Variants in MCTP1 observed in about 807,000 individuals in gnomAD.
MCTP1 encodes the protein multiple C2 and transmembrane domain-containing protein 1.
Under a neutral mutation model 120.6 loss-of-function variants are expected in MCTP1, and 69 were observed. The observed-to-expected ratio is 0.57, with a 90% CI of 0.47 to 0.70. The LOEUF (loss-of-function observed/expected upper bound fraction) is 0.70, where lower values mean the gene tolerates loss of function less well. Ranked by LOEUF, MCTP1 falls within the 30% of genes least tolerant of loss-of-function variation. The pLI is 0.00. For missense variants in MCTP1, 1,203 were observed against 1,248.8 expected (o/e 0.96, Z 0.55); for synonymous variants, 529 against 493.1 (o/e 1.07, Z -0.96).
chr5:94,999,488 T>C (rs1373768497), intron 2 of MCTP1, among the ~76,000 whole-genome samples: 1 of 152,180 alleles, frequency 6.6e-6, no homozygotes, highest in Non-Finnish European at 1.5e-5. Context: ...GAAAATGGGA[T>C]GTGTATTGAT....
rs533234196 is a variant in MCTP1, at chr5:94,727,068, C to A, written c.2611-12182G>T. On this transcript the variant is annotated intron_variant, in intron 19 of 22. Transcript: ENST00000515393. ...ACAAACTTATACCTTTCTAAAAAGGCACATCTGTTGTAAATTACTCCCTTA... is the reference window on the plus strand; with the variant it reads ...ACAAACTTATACCTTTCTAAAAAGGAACATCTGTTGTAAATTACTCCCTTA... Among the ~76,000 whole-genome samples the A allele has an allele frequency of 2.6e-5, 4 of 152,278 alleles. No individual in the cohort carries two copies. The East Asian group carries it at 7.7e-4, about 29-fold the overall frequency.
intron 16 of MCTP1, among the ~76,000 whole-genome samples, chr5:94,868,760 T>C (rs986601392): frequency 1.3e-5 from 2 of 151,992 alleles, no homozygotes; most frequent in African/African-American, 4.8e-5. Context: ...CTATGCACCT[T>C]TATTAATTTT....
At chr5:94,720,496 T>C (rs1238689221) in intron 19 of MCTP1, among the ~76,000 whole-genome samples, 1 of 152,126 alleles carries the variant, frequency 6.6e-6, no homozygotes, top group African/African-American at 2.4e-5. Context: ...TGATAGATTA[T>C]GAAATCAGAA....
At chr5:95,240,084 C>T (rs1044827203) in intron 1 of MCTP1, among the ~76,000 whole-genome samples, 1 of 151,956 alleles carries the variant, frequency 6.6e-6, no homozygotes, top group Admixed American at 6.6e-5. Context: ...TATTTACATA[C>T]AAATTTCATA....
intron 1 of MCTP1, among the ~76,000 whole-genome samples, chr5:95,159,096 C>T (rs1450007121): frequency 2.6e-5 from 4 of 152,118 alleles, no homozygotes; most frequent in Admixed American, 6.5e-5. Context: ...ATTAAAATGA[C>T]ATCACGTCTA....
rs538558519 is a variant in MCTP1 at position 95,168,742 on chromosome 5, T to G, written c.720+115114A>C. ...AAGAATGCTTGTGATTTTTGCACAT[T>G]GATTTTTATCCCGAGACTTTGCTGA... is the stretch of plus-strand genomic sequence containing the variant. On this transcript the variant is annotated intron_variant, in intron 1 of 22. Transcript: ENST00000515393. Among the ~76,000 whole-genome samples the G allele has an allele frequency of 7.9e-5, 12 of 152,376 alleles. No individual in the cohort carries two copies. The South Asian group carries it at 2.5e-3, about 32-fold the overall frequency.
chr5:94,994,347 G>A (rs1482221830), intron 2 of MCTP1, among the ~76,000 whole-genome samples: 5 of 152,150 alleles, frequency 3.3e-5, no homozygotes, highest in Admixed American at 6.6e-5. Flanking sequence ...TCTGTGGTCT[G>A]TGTTTTGTAT....
intron 1 of MCTP1, among the ~76,000 whole-genome samples, chr5:95,092,756 T>C (rs1755945530): frequency 6.6e-6 from 1 of 151,952 alleles, no homozygotes; most frequent in Admixed American, 6.6e-5. Context: ...TCAAAAATAA[T>C]AAATAAAAAG....
chr5:95,197,929 C>T (rs544434217), intron 1 of MCTP1, among the ~76,000 whole-genome samples: 6 of 152,116 alleles, frequency 3.9e-5, no homozygotes, highest in African/African-American at 7.2e-5. Flanking sequence ...ACACATAATA[C>T]CTAATATAAT....
chr5:95,170,528 T>C lies in MCTP1; in HGVS notation c.720+113328A>G, dbSNP rs1719247844. Among the ~76,000 whole-genome samples the C allele has an allele frequency of 2.0e-5, 3 of 152,200 alleles. No homozygotes were observed. The South Asian group carries it at 6.2e-4, about 31-fold the overall frequency. On this transcript the variant is annotated intron_variant, in intron 1 of 22. Transcript: ENST00000515393. Reference sequence around the variant, plus strand: ...AGTGGGGTGTTAAAGTCTCCCATTATTATTGTGTGGGAGTCTAAGTCTCTT... The same window carrying C: ...AGTGGGGTGTTAAAGTCTCCCATTACTATTGTGTGGGAGTCTAAGTCTCTT...
intron 2 of MCTP1, among the ~76,000 whole-genome samples, chr5:94,957,899 T>C (rs901548110): frequency 2.0e-5 from 3 of 152,356 alleles, no homozygotes; most frequent in African/African-American, 7.2e-5. Context: ...GGACTTGAAC[T>C]CAGCTCTGGA....
chr5:95,095,225 A>T (rs960877997), intron 1 of MCTP1, among the ~76,000 whole-genome samples: 1 of 150,918 alleles, frequency 6.6e-6, no homozygotes, highest in South Asian at 2.1e-4. Flanking sequence ...GGGTTTCACC[A>T]TGTTAGCCAG....
chr5:94,923,983 A>G lies in MCTP1; in HGVS notation c.1251T>C (p.Ser417=). The change falls in exon 7 of 23, where the codon TCT becomes TCC. Residue 417 remains serine (S), a synonymous_variant. Coordinates refer to ENST00000515393, the MANE Select transcript of MCTP1 (RefSeq NM_024717.7). ...SENEVVGSYF[S]VKSLFWRTCG... ...TTACCCTCCAAAAGAGAGACTTCAC[A>G]GAGAAATAAGATCCAACCACTTCAT... 1.3e-6 allele frequency: 2 copies of G among 1,525,412 alleles called. No homozygotes were observed. Among genetic ancestry groups the G allele is most frequent in the Non-Finnish European group, 1.8e-6 (2 of 1,142,126 alleles). 94.5% of individuals were successfully genotyped at this position (1,525,412 alleles called of 1,614,324 possible).
intron 1 of MCTP1, among the ~76,000 whole-genome samples, chr5:95,224,187 C>T (rs1231463507): frequency 6.6e-6 from 1 of 152,146 alleles, no homozygotes; most frequent in Non-Finnish European, 1.5e-5. Context: ...GAGTACTGGG[C>T]AGGCCTGAAG....
intron 1 of MCTP1, among the ~76,000 whole-genome samples, chr5:95,158,600 AT>A (rs1225984510): frequency 2.0e-5 from 3 of 152,232 alleles, no homozygotes; most frequent in African/African-American, 7.2e-5. Context: ...CTTAAATAGC[AT>A]CTGTAATTTT....
intron 17 of MCTP1, among the ~76,000 whole-genome samples, chr5:94,835,635 T>G (rs1304987285): frequency 1.3e-5 from 2 of 152,186 alleles, no homozygotes; most frequent in Non-Finnish European, 2.9e-5. Context: ...TCCCCATGAC[T>G]TCTCATATCC....
At chr5:94,979,760 C>G (rs1477114984) in intron 2 of MCTP1, among the ~76,000 whole-genome samples, 1 of 151,838 alleles carries the variant, frequency 6.6e-6, no homozygotes, top group Non-Finnish European at 1.5e-5. Context: ...CTGTGTGGAG[C>G]AGAACTAGAG....
At chr5:94,762,445 A>G (rs1771572347) in intron 19 of MCTP1, among the ~76,000 whole-genome samples, 1 of 152,162 alleles carries the variant, frequency 6.6e-6, no homozygotes, top group Admixed American at 6.5e-5. Flanking sequence ...TCTTGTTTCC[A>G]CGTTGGATCT....
chr5:95,114,142 G>C (rs1757650020), intron 1 of MCTP1, among the ~76,000 whole-genome samples: 1 of 152,168 alleles, frequency 6.6e-6, no homozygotes, highest in South Asian at 2.1e-4. Context: ...ATGATAACCA[G>C]AAAGTACACC....
Sources: allele counts gnomAD v4.1 joint callset (sites outside exome capture counted in the v4.1 genomes callset), GRCh38; gene constraint gnomAD v4.1.1; transcripts MANE v1.5; gene names NCBI Gene and HGNC (gene_info 2026-07-23, HGNC 2026-07-21).